The following ASTN2 variants were observed in gnomAD, a reference collection of about 807,000 sequenced individuals.
ASTN2 encodes the protein astrotactin 2.
Under a neutral mutation model 139.8 loss-of-function variants are expected in ASTN2, and 54 were observed. The ratio of observed to expected loss-of-function variants is 0.39; its 90% confidence interval spans 0.31 to 0.48. ASTN2 has a LOEUF of 0.48. Among genes scored for constraint, ASTN2 ranks in the 20% least tolerant of loss-of-function variants. ASTN2 has a pLI of 0.95. For missense variants in ASTN2, 1,565 were observed against 1,725.1 expected, an observed-to-expected ratio of 0.91 and a Z score of 1.64; for synonymous variants, 756 against 719.5, an observed-to-expected ratio of 1.05 and a Z score of -0.81.
chr9:116,469,955 A>C (rs1848762363), intron 20 of ASTN2, among the ~76,000 whole-genome samples: 1 of 152,112 alleles, frequency 6.6e-6, no homozygotes, highest in Non-Finnish European at 1.5e-5. Flanking sequence ...CTGTAATCAC[A>C]GCACTTTAGG....
chr9:116,981,266 T>TTGAATGAA (rs952400681), intron 7 of ASTN2, among the ~76,000 whole-genome samples: 1 of 152,166 alleles, frequency 6.6e-6, no homozygotes, highest in African/African-American at 2.4e-5. Context: ...AACTCAATTA[T>TTGAATGAA]TGAATGAATG....
intron 20 of ASTN2, among the ~76,000 whole-genome samples, chr9:116,483,750 G>C (rs1464167265): frequency 6.6e-6 from 1 of 152,190 alleles, no homozygotes; most frequent in East Asian, 1.9e-4. Flanking sequence ...CAGGAGGAGA[G>C]AGGGGATGAA....
chr9:116,727,426 T>A (rs1828659748), intron 15 of ASTN2, among the ~76,000 whole-genome samples: 1 of 152,140 alleles, frequency 6.6e-6, no homozygotes, highest in African/African-American at 2.4e-5. Context: ...CAAAAGGGTT[T>A]TCCGGGAGCA....
rs74400091 is a variant in ASTN2, at chr9:117,140,929, G to T, written c.1168+397C>A. On this transcript the variant is annotated intron_variant, in intron 4 of 22. Transcript: ENST00000313400. ...ATTCTGTTATTCAGCCTGCTAAAAAGTAGGCGCAGACCCCTGTTTCTGGCT... is the reference window on the plus strand; with the variant it reads ...ATTCTGTTATTCAGCCTGCTAAAAATTAGGCGCAGACCCCTGTTTCTGGCT... 2.6e-4 allele frequency among the ~76,000 whole-genome samples: 39 copies of T among 152,276 alleles called. No individual in the cohort carries two copies. The East Asian group carries it at 7.5e-3, about 29-fold the overall frequency.
intron 19 of ASTN2, among the ~76,000 whole-genome samples, chr9:116,594,970 C>CAT: frequency 6.6e-6 from 1 of 152,278 alleles, no homozygotes; most frequent in Admixed American, 6.5e-5. Flanking sequence ...TACACACATA[C>CAT]ATACATAATT....
intron 4 of ASTN2, among the ~76,000 whole-genome samples, chr9:117,111,708 CA>C: frequency 6.6e-6 from 1 of 152,068 alleles, no homozygotes; most frequent in Admixed American, 6.6e-5. Context: ...CATGGAAAAT[CA>C]AACATGATTT....
chr9:116,723,986 A>G (rs906136018), intron 16 of ASTN2, among the ~76,000 whole-genome samples: 1 of 152,126 alleles, frequency 6.6e-6, no homozygotes, highest in African/African-American at 2.4e-5. Context: ...TCTTACTTGT[A>G]ACAGATTCCA....
chr9:117,034,794 A>G (rs1002121667), intron 6 of ASTN2, among the ~76,000 whole-genome samples: 1 of 152,124 alleles, frequency 6.6e-6, no homozygotes, highest in African/African-American at 2.4e-5. Flanking sequence ...CCATTTCTTC[A>G]GTGTGTGCTT....
chr9:117,026,170 C>G (rs1374615265), intron 6 of ASTN2, among the ~76,000 whole-genome samples: 1 of 151,940 alleles, frequency 6.6e-6, no homozygotes, highest in Non-Finnish European at 1.5e-5. Context: ...GGTCTCACAT[C>G]GGGATGCTGG....
At chr9:116,533,728 A>T (rs982618264) in intron 19 of ASTN2, among the ~76,000 whole-genome samples, 10 of 152,172 alleles carry the variant, frequency 6.6e-5, no homozygotes, top group African/African-American at 1.4e-4. Context: ...ATCATGGTGG[A>T]TAAGCTTTTT....
At chr9:117,384,389 A>T (rs965847008) in intron 1 of ASTN2, among the ~76,000 whole-genome samples, 2 of 151,684 alleles carry the variant, frequency 1.3e-5, no homozygotes, top group Non-Finnish European at 2.9e-5. Flanking sequence ...ACAGTATAAC[A>T]CATCTCGGCC....
intron 20 of ASTN2, among the ~76,000 whole-genome samples, chr9:116,463,470 CA>C (rs1848554806): frequency 1.3e-5 from 2 of 152,190 alleles, no homozygotes; most frequent in Admixed American, 6.5e-5. Context: ...TCAGCAATAC[CA>C]AACAACATAT....
At chr9:116,597,432 C>G (rs897671343) in intron 19 of ASTN2, among the ~76,000 whole-genome samples, 1 of 150,424 alleles carries the variant, frequency 6.6e-6, no homozygotes, top group Non-Finnish European at 1.5e-5. Flanking sequence ...TTCAGCCTCC[C>G]AAGTAGCGGG....
At chr9:117,251,835 C>T (rs1023668719) in intron 2 of ASTN2, among the ~76,000 whole-genome samples, 3 of 152,058 alleles carry the variant, frequency 2.0e-5, no homozygotes, top group African/African-American at 7.2e-5. Flanking sequence ...ACTAGGTAGT[C>T]ATAAGAGGGA....
intron 1 of ASTN2, among the ~76,000 whole-genome samples, chr9:117,302,863 C>T (rs1319290566): frequency 6.6e-6 from 1 of 152,130 alleles, no homozygotes; most frequent in Admixed American, 6.5e-5. Context: ...ATGAATTAAT[C>T]CCCAGGGTCA....
chr9:117,290,418 T>C (rs1391559249), intron 2 of ASTN2, among the ~76,000 whole-genome samples: 6 of 152,218 alleles, frequency 3.9e-5, no homozygotes. Flanking sequence ...CAGATACTTT[T>C]AGACTACCAC....
chr9:116,675,618 A>G (rs898568032), intron 16 of ASTN2, among the ~76,000 whole-genome samples: 3 of 152,040 alleles, frequency 2.0e-5, no homozygotes, highest in African/African-American at 7.2e-5. Context: ...TTGATCAGGG[A>G]TCTGATTTGG....
chr9:116,907,753 C>T (rs879733067), intron 10 of ASTN2, among the ~76,000 whole-genome samples: 31 of 151,916 alleles, frequency 2.0e-4, no homozygotes, highest in African/African-American at 6.8e-4. Context: ...GAAGGATGGG[C>T]GGAAATGGGA....
intron 19 of ASTN2, among the ~76,000 whole-genome samples, chr9:116,501,300 C>T (rs947799901): frequency 2.0e-5 from 3 of 152,148 alleles, no homozygotes; most frequent in Non-Finnish European, 4.4e-5. Context: ...TGAACTCATC[C>T]TTTTTTATGC....
Sources: gnomAD v4.1 joint callset for allele counts (sites outside exome capture counted in the v4.1 genomes callset) on GRCh38, gnomAD v4.1.1 for gene constraint, MANE v1.5 for transcripts, NCBI Gene and HGNC (gene_info 2026-07-23, HGNC 2026-07-21) for gene names.